The following ENTREP2 variants were observed in gnomAD, a reference collection of about 807,000 sequenced individuals.
ENTREP2 encodes protein ENTREP2.
chr15:29,478,471 C>T, the ENTREP2 span, among the ~76,000 whole-genome samples: 1 of 152,114 alleles, frequency 6.6e-6, no homozygotes, highest in South Asian at 2.1e-4. Context: ...GGATATTTGT[C>T]CCCGCCCAGA....
the ENTREP2 span, among the ~76,000 whole-genome samples, chr15:29,179,508 G>A: frequency 1.3e-5 from 2 of 152,280 alleles, no homozygotes; most frequent in Admixed American, 1.3e-4. Flanking sequence ...GGGATACTGA[G>A]GATGAGCTTA....
At chr15:29,314,544 A>C in the ENTREP2 span, among the ~76,000 whole-genome samples, 1 of 152,116 alleles carries the variant, frequency 6.6e-6, no homozygotes, top group Non-Finnish European at 1.5e-5. Flanking sequence ...TATATGTATA[A>C]TTTTTTTAGA....
chr15:29,464,672 G>A, the ENTREP2 span, among the ~76,000 whole-genome samples: 6 of 152,198 alleles, frequency 3.9e-5, no homozygotes, highest in South Asian at 8.3e-4. Flanking sequence ...TCAGCAAGAA[G>A]TTAACACAGT....
chr15:29,640,326 A>G, the ENTREP2 span, among the ~76,000 whole-genome samples: 1 of 152,182 alleles, frequency 6.6e-6, no homozygotes, highest in Non-Finnish European at 1.5e-5. Flanking sequence ...CATAGAAGAT[A>G]TAAATAGTCA....
chr15:29,478,008 TATATATA>T, the ENTREP2 span, among the ~76,000 whole-genome samples: 22 of 77,756 alleles, frequency 2.8e-4, no homozygotes, highest in African/African-American at 7.3e-4. Context: ...TATATATATA[TATATATA>T]TATATTTTTT....
chr15:29,293,373 G>C, the ENTREP2 span, among the ~76,000 whole-genome samples: 1 of 151,710 alleles, frequency 6.6e-6, no homozygotes, highest in East Asian at 1.9e-4. Flanking sequence ...TCAGCCTCCT[G>C]AGTAGCTGGG....
the ENTREP2 span, among the ~76,000 whole-genome samples, chr15:29,643,556 G>A: frequency 2.0e-5 from 3 of 152,160 alleles, no homozygotes; most frequent in Non-Finnish European, 4.4e-5. Context: ...GCGGAAGCAG[G>A]TGGATCATGA....
At chr15:29,124,086 G>GCC in the ENTREP2 span, among the ~76,000 whole-genome samples, 93 of 151,716 alleles carry the variant, frequency 6.1e-4, 1 homozygote, top group East Asian at 2.9e-3. Flanking sequence ...ACATGAGACC[G>GCC]CCCCCCCCAT....
the ENTREP2 span, among the ~76,000 whole-genome samples, chr15:29,146,385 G>A: frequency 6.6e-6 from 1 of 152,132 alleles, no homozygotes; most frequent in Non-Finnish European, 1.5e-5. Flanking sequence ...GGGCTCACAC[G>A]TCCACACGTC....
the ENTREP2 span, among the ~76,000 whole-genome samples, chr15:29,654,486 T>C: frequency 6.6e-6 from 1 of 152,334 alleles, no homozygotes; most frequent in South Asian, 2.1e-4. Flanking sequence ...TGGTCAGTTT[T>C]TAACTTGCAG....
chr15:29,426,458 C>G, the ENTREP2 span, among the ~76,000 whole-genome samples: 13 of 151,780 alleles, frequency 8.6e-5, no homozygotes, highest in Non-Finnish European at 1.9e-4. Flanking sequence ...ATGAATCAAA[C>G]CTAAAACAAA....
chr15:29,651,459 C>CAGG, the ENTREP2 span, among the ~76,000 whole-genome samples: 1 of 152,186 alleles, frequency 6.6e-6, no homozygotes, highest in Non-Finnish European at 1.5e-5. Context: ...AGCAGACAGG[C>CAGG]AGGCCTGGGC....
the ENTREP2 span, among the ~76,000 whole-genome samples, chr15:29,640,681 C>CAAAACAAAACAAAA: frequency 4.0e-5 from 5 of 124,292 alleles, no homozygotes; most frequent in African/African-American, 2.2e-4. Context: ...AACAAAAAAA[C>CAAAACAAAACAAAA]CAAAAAGAAA....
At chr15:29,657,059 T>A in the ENTREP2 span, among the ~76,000 whole-genome samples, 1 of 152,064 alleles carries the variant, frequency 6.6e-6, no homozygotes. Flanking sequence ...ACAGCTCTTT[T>A]CTTTTTGAGA....
the ENTREP2 span, among the ~76,000 whole-genome samples, chr15:29,288,441 C>A: frequency 6.6e-6 from 1 of 152,196 alleles, no homozygotes. Flanking sequence ...GCTGTTCTCT[C>A]TGCCTGGAAA....
the ENTREP2 span, among the ~76,000 whole-genome samples, chr15:29,213,139 C>T: frequency 0.067 from 10,151 of 152,102 alleles, 1,172 homozygotes; most frequent in African/African-American, 0.23. Flanking sequence ...TGTTCTGTTC[C>T]GTTGGTCTAC....
At chr15:29,436,118 C>T in the ENTREP2 span, among the ~76,000 whole-genome samples, 4 of 152,134 alleles carry the variant, frequency 2.6e-5, no homozygotes, top group African/African-American at 4.8e-5. Flanking sequence ...GCCATTCCAT[C>T]GGGCAGTTCA....
the ENTREP2 span, among the ~76,000 whole-genome samples, chr15:29,225,813 G>A: frequency 1.3e-5 from 2 of 152,282 alleles, no homozygotes; most frequent in Admixed American, 1.3e-4. Context: ...GAGCCTCCGG[G>A]CCTTGTCCCC....
the ENTREP2 span, among the ~76,000 whole-genome samples, chr15:29,535,081 T>TAA: frequency 6.6e-6 from 1 of 151,096 alleles, no homozygotes; most frequent in African/African-American, 2.4e-5. Flanking sequence ...CTCGTCTCTA[T>TAA]AAAAAAAAGA....
Sources: gnomAD v4.1 joint callset for allele counts (sites outside exome capture counted in the v4.1 genomes callset) on GRCh38, gnomAD v4.1.1 for gene constraint, MANE v1.5 for transcripts, NCBI Gene and HGNC (gene_info 2026-07-23, HGNC 2026-07-21) for gene names.